Variants in GPRASP3 observed in about 807,000 individuals in gnomAD.
The protein encoded by GPRASP3 is G protein-coupled receptor associated sorting protein 3.
the GPRASP3 span, among the ~76,000 whole-genome samples, chrX:102,726,946 A>T: frequency 7.1e-5 from 8 of 112,590 alleles, no homozygotes; most frequent in Admixed American, 1.9e-4. Context: ...TCATTAGGAC[A>T]CGTGTTGAGA....
chrX:102,752,860 C>T, the GPRASP3 span: 1 of 123,012 alleles, frequency 8.1e-6, no homozygotes, highest in Non-Finnish European at 1.9e-5. Flanking sequence ...ACCTCTGCTT[C>T]CCAGGTTCAA....
At chrX:102,731,733 C>G in the GPRASP3 span, among the ~76,000 whole-genome samples, 1 of 111,822 alleles carries the variant, frequency 8.9e-6, no homozygotes, top group Non-Finnish European at 1.9e-5. Flanking sequence ...AACTTTGATC[C>G]TAGGATTTTA....
chrX:102,746,724 T>C, the GPRASP3 span, among the ~76,000 whole-genome samples: 10 of 112,936 alleles, frequency 8.9e-5, no homozygotes, highest in Admixed American at 1.9e-4. Flanking sequence ...GATAGGTCTG[T>C]TGGGTTCTCC....
the GPRASP3 span, among the ~76,000 whole-genome samples, chrX:102,739,798 T>C: frequency 8.9e-5 from 10 of 111,805 alleles, no homozygotes; most frequent in East Asian, 2.3e-3. Context: ...AGGGGAAAGA[T>C]GGAATGTCAC....
the GPRASP3 span, chrX:102,749,272 G>A: frequency 8.3e-7 from 1 of 1,211,363 alleles, no homozygotes; most frequent in Non-Finnish European, 1.1e-6. Context: ...TCCCAAGGCT[G>A]GGAATGAGTC....
At chrX:102,722,942 C>A in the GPRASP3 span, among the ~76,000 whole-genome samples, 9 of 110,955 alleles carry the variant, frequency 8.1e-5, no homozygotes, top group African/African-American at 3.0e-4. Flanking sequence ...CTATAGTTAA[C>A]AATAGTTATT....
the GPRASP3 span, chrX:102,749,190 G>A: frequency 8.3e-7 from 1 of 1,212,108 alleles, no homozygotes; most frequent in Non-Finnish European, 1.1e-6. Flanking sequence ...CTAAGAACAA[G>A]GTTGTTGCTG....
chrX:102,749,456 C>T, the GPRASP3 span: 792 of 1,209,695 alleles, frequency 6.5e-4, 2 homozygotes, highest in Non-Finnish European at 7.7e-4. Flanking sequence ...TTGGAACCTG[C>T]GGCTGGGGCC....
the GPRASP3 span, among the ~76,000 whole-genome samples, chrX:102,744,987 G>C: frequency 9.0e-6 from 1 of 111,462 alleles, no homozygotes; most frequent in South Asian, 3.8e-4. Context: ...GGAAGGGAGA[G>C]TAAAAAAATA....
the GPRASP3 span, chrX:102,748,964 A>G: frequency 6.0e-6 from 7 of 1,171,866 alleles, no homozygotes; most frequent in Non-Finnish European, 8.0e-6. Flanking sequence ...CAAGGCCAAG[A>G]CTGGACAGGG....
the GPRASP3 span, chrX:102,751,477 C>T: frequency 8.1e-6 from 1 of 123,164 alleles, no homozygotes; most frequent in Non-Finnish European, 1.9e-5. Flanking sequence ...CCTAGATTCC[C>T]ACAGCAGGAA....
At chrX:102,744,659 A>G in the GPRASP3 span, among the ~76,000 whole-genome samples, 2 of 112,211 alleles carry the variant, frequency 1.8e-5, no homozygotes. Flanking sequence ...TGGTACTTTT[A>G]GGAATTGCTT....
chrX:102,724,469 T>A, the GPRASP3 span, among the ~76,000 whole-genome samples: 5 of 111,475 alleles, frequency 4.5e-5, no homozygotes, highest in Non-Finnish European at 9.4e-5. Context: ...TATCTATGTA[T>A]CTATTTATCT....
At chrX:102,728,595 T>TTTA in the GPRASP3 span, among the ~76,000 whole-genome samples, 1 of 100,538 alleles carries the variant, frequency 9.9e-6, no homozygotes, top group African/African-American at 3.7e-5. Flanking sequence ...TTTTTTTTTT[T>TTTA]AAATAGAGAG....
the GPRASP3 span, chrX:102,752,797 T>A: frequency 8.2e-6 from 1 of 122,170 alleles, no homozygotes; most frequent in Non-Finnish European, 1.9e-5. Flanking sequence ...TGAGACAGAG[T>A]CTTGCTCTGT....
chrX:102,750,133 G>A, the GPRASP3 span: 12 of 1,209,661 alleles, frequency 9.9e-6, no homozygotes, highest in Non-Finnish European at 1.3e-5. Context: ...TCCTTCCCCT[G>A]AAATGAGAAA....
the GPRASP3 span, among the ~76,000 whole-genome samples, chrX:102,725,253 G>T: frequency 1.8e-5 from 2 of 112,019 alleles, no homozygotes; most frequent in African/African-American, 6.5e-5. Context: ...GCCCCACTTT[G>T]CCTGCAGTCA....
the GPRASP3 span, chrX:102,749,506 G>A: frequency 1.7e-5 from 21 of 1,210,331 alleles, no homozygotes; most frequent in Admixed American, 2.8e-4. Flanking sequence ...GGAGGAGGAA[G>A]AGAATGTTAT....
the GPRASP3 span, among the ~76,000 whole-genome samples, chrX:102,725,658 C>T: frequency 9.0e-6 from 1 of 111,014 alleles, no homozygotes. Flanking sequence ...CCGCTAGTAG[C>T]TGGGATTACA....
Sources: allele counts gnomAD v4.1 joint callset (sites outside exome capture counted in the v4.1 genomes callset), GRCh38; gene constraint gnomAD v4.1.1; transcripts MANE v1.5; gene names NCBI Gene and HGNC (gene_info 2026-07-23, HGNC 2026-07-21).